The following PDE4DIP variants were observed in gnomAD, a reference collection of about 807,000 sequenced individuals.
The protein encoded by PDE4DIP is phosphodiesterase 4D interacting protein, also known as myomegalin.
In PDE4DIP, 59 loss-of-function variants were observed where a neutral mutation model predicts 221.4. That is an observed-to-expected ratio of 0.27 (90% confidence interval 0.22 to 0.33). The LOEUF is 0.33. Ranked by LOEUF, PDE4DIP falls within the 10% of genes least tolerant of loss-of-function variation. The probability of loss-of-function intolerance (pLI) is 1.00; values close to 1 mark genes in which losing one functional copy is unlikely to be tolerated. For synonymous variants in PDE4DIP, 404 were observed against 815.9 expected (o/e 0.50, Z 8.60); for missense variants, 1,036 against 2,154.2 (o/e 0.48, Z 10.28).
chr1:148,963,128 G>A (rs1449528440), intron 9 of PDE4DIP, among the ~76,000 whole-genome samples: 23 of 152,110 alleles, frequency 1.5e-4, no homozygotes, highest in African/African-American at 5.1e-4. Context: ...TCCTGACCTC[G>A]TGATCTGCCC....
At chr1:148,911,811 G>A (rs879955820) in intron 1 of PDE4DIP, among the ~76,000 whole-genome samples, 7 of 148,560 alleles carry the variant, frequency 4.7e-5, no homozygotes, top group Non-Finnish European at 7.4e-5. Flanking sequence ...AGGCTGTCCA[G>A]GGTTCCTTGA....
chr1:148,948,720 C>A (rs1444196562), intron 5 of PDE4DIP, among the ~76,000 whole-genome samples: 1 of 150,736 alleles, frequency 6.6e-6, no homozygotes, highest in Non-Finnish European at 1.5e-5. Context: ...ATCTAAGTGC[C>A]CAGTTCAATG....
chr1:148,936,807 C>T (rs1298710787), intron 4 of PDE4DIP, among the ~76,000 whole-genome samples: 1 of 151,870 alleles, frequency 6.6e-6, no homozygotes, highest in African/African-American at 2.4e-5. Flanking sequence ...TCATCAGCTT[C>T]ACTGTCTTCC....
chr1:149,000,231 G>A (rs1411875521), intron 23 of PDE4DIP, among the ~76,000 whole-genome samples: 1 of 152,134 alleles, frequency 6.6e-6, no homozygotes, highest in East Asian at 1.9e-4. Flanking sequence ...GCATCCTCTA[G>A]CTCAGGGGTT....
chr1:149,001,867 C>T, exon 24 of PDE4DIP: 1 of 1,613,792 alleles, frequency 6.2e-7, no homozygotes, highest in Non-Finnish European at 8.5e-7. Flanking sequence ...CTCCAGAGCT[C>T]CTTGTGCATC....
At chr1:148,959,689 T>C (rs1424540151) in intron 5 of PDE4DIP, among the ~76,000 whole-genome samples, 2 of 152,184 alleles carry the variant, frequency 1.3e-5, no homozygotes, top group Non-Finnish European at 2.9e-5. Flanking sequence ...TTGTTCCATA[T>C]ATAAATTGTC....
At chr1:149,019,588 G>A (rs1178350697) in intron 35 of PDE4DIP, 1 of 152,284 alleles carries the variant, frequency 6.6e-6, no homozygotes, top group East Asian at 1.9e-4. Context: ...TTGCATGCTT[G>A]GAGAGAATAG....
At chr1:148,968,035 T>A in intron 13 of PDE4DIP, 130 bp downstream of exon 16, 1 of 504,946 alleles carries the variant, frequency 2.0e-6, no homozygotes, top group Non-Finnish European at 3.5e-6. Context: ...GGCAAGTCAT[T>A]GACTTTCACT....
intron 5 of PDE4DIP, chr1:148,952,731 A>AGCCGCCGCC (rs3839010): frequency 2.3e-6 from 3 of 1,318,360 alleles, no homozygotes; most frequent in East Asian, 2.6e-5. Context: ...GTCACCCAGT[A>AGCCGCCGCC]GCCGCCGCCG....
intron 23 of PDE4DIP, among the ~76,000 whole-genome samples, chr1:148,998,767 C>T (rs587606647): frequency 1.3e-5 from 2 of 148,652 alleles, no homozygotes; most frequent in Non-Finnish European, 3.0e-5. Context: ...GATAGAATCT[C>T]GCTCTGTCGC....
rs1425813575 is a variant in PDE4DIP at position 149,023,831 on chromosome 1, T to C, written c.6086-614T>C. 6.8e-5 allele frequency among the ~76,000 whole-genome samples: 10 copies of C among 147,236 alleles called. 2 individuals carry two copies. Among genetic ancestry groups the C allele is most frequent in the African/African-American group, 2.5e-4 (10 of 40,258 alleles). On this transcript the variant is annotated intron_variant, in intron 37 of 43. Transcript: ENST00000369354. ...GCACATATATATGTACATGTATATGTGTGCACATATATACACCTATATATA... is the reference window on the plus strand; with the variant it reads ...GCACATATATATGTACATGTATATGCGTGCACATATATACACCTATATATA...
chr1:148,952,051 C>T, intron 5 of PDE4DIP: 2 of 1,011,078 alleles, frequency 2.0e-6, no homozygotes, highest in Non-Finnish European at 2.4e-6. Flanking sequence ...GTGGCACTGT[C>T]CGAGAATGCA....
intron 19 of PDE4DIP, among the ~76,000 whole-genome samples, chr1:148,978,848 C>T (rs1232347807): frequency 2.0e-5 from 3 of 152,072 alleles, no homozygotes; most frequent in Non-Finnish European, 4.4e-5. Flanking sequence ...AAACTGTGCT[C>T]TAAAATTTCC....
intron 8 of PDE4DIP, 67 bp downstream of exon 11, chr1:148,962,355 G>C: frequency 6.6e-7 from 1 of 1,511,784 alleles, no homozygotes; most frequent in Non-Finnish European, 9.2e-7. Context: ...TTGCAGTCTT[G>C]ATTTTATTTT....
rs1333332012 is a variant in PDE4DIP at position 148,962,960 on chromosome 1, T to A, written c.1194+320T>A. On this transcript the variant is annotated intron_variant, in intron 9 of 43. Transcript: ENST00000369354. ...AAGGTTGGAGTGCAGTGGCGCGATC[T>A]CCGCTCACTGCAACCTCCGCCTCCT... Among the ~76,000 whole-genome samples the A allele has an allele frequency of 9.8e-5, 15 of 152,338 alleles. No individual in the cohort carries two copies. In the South Asian group the frequency reaches 1.4e-3, roughly 15 times the overall value.
intron 9 of PDE4DIP, among the ~76,000 whole-genome samples, chr1:148,964,112 ATT>A (rs11401915): frequency 1.1e-5 from 1 of 92,276 alleles, no homozygotes; most frequent in Non-Finnish European, 2.2e-5. Context: ...TCTTTCTTTC[ATT>A]TTTTTTTTTT....
In PDE4DIP at chr1:149,012,629, C is replaced by G; in HGVS notation, c.5119C>G (p.Pro1707Ala). The stretch of plus-strand genomic sequence containing the variant: ...CTCCATACCCAAGCTGGCTAGCCTT[C>G]CTCAGGCACCATTGCCCTCAGCTCC... Residue 1707 changes from proline to alanine, a missense_variant, in exon 32 of 44, where the codon CCT (proline) becomes GCT (alanine). Coordinates refer to ENST00000369354, the Ensembl canonical transcript of PDE4DIP. 1.2e-6 allele frequency: 2 copies of G among 1,610,334 alleles called. 1 individual carries two copies. Among genetic ancestry groups the G allele is most frequent in the Middle Eastern group, 3.3e-4 (2 of 6,028 alleles).
At chr1:148,953,587 A>T in intron 5 of PDE4DIP, 1 of 1,609,250 alleles carries the variant, frequency 6.2e-7, no homozygotes, top group Non-Finnish European at 8.5e-7. Flanking sequence ...AGGAACTTGG[A>T]AAGTGTGACT....
chr1:148,978,029 A>G (rs1348592189), exon 18 of PDE4DIP: 1 of 1,613,940 alleles, frequency 6.2e-7, no homozygotes, highest in Non-Finnish European at 8.5e-7. Flanking sequence ...CCAGGAACAT[A>G]CAGATTAAAG....
Sources: allele counts gnomAD v4.1 joint callset (sites outside exome capture counted in the v4.1 genomes callset), GRCh38; gene constraint gnomAD v4.1.1; transcripts MANE v1.5; gene names NCBI Gene and HGNC (gene_info 2026-07-23, HGNC 2026-07-21).